The following NUDC variants were observed in gnomAD, a reference collection of about 807,000 sequenced individuals.
NUDC encodes the protein nuclear migration protein nudC.
A neutral mutation model predicts 45.0 loss-of-function variants in NUDC; 14 were observed. That is an observed-to-expected ratio of 0.31 (90% CI 0.21 to 0.49). NUDC has a LOEUF of 0.49. NUDC is among the 20% of genes least tolerant of loss of function. The probability of loss-of-function intolerance (pLI) is 0.99; values close to 1 mark genes in which losing one functional copy is unlikely to be tolerated. For missense variants in NUDC, 323 were observed against 426.2 expected (o/e 0.76, Z 2.13); for synonymous variants, 153 against 156.7 (o/e 0.98, Z 0.17).
At chr1:26,934,358 T>C (rs2082209258) in intron 2 of NUDC, among the ~76,000 whole-genome samples, 1 of 152,138 alleles carries the variant, frequency 6.6e-6, no homozygotes, top group Non-Finnish European at 1.5e-5. Flanking sequence ...GGGGAAACCA[T>C]CCTGGTGATT....
intron 6 of NUDC, among the ~76,000 whole-genome samples, chr1:26,944,055 CTGTTT>C (rs1315069640): frequency 6.7e-6 from 1 of 149,562 alleles, no homozygotes; most frequent in Admixed American, 6.6e-5. Flanking sequence ...TTTTTTTTGT[CTGTTT>C]TGTTTTCTAT....
intron 2 of NUDC, among the ~76,000 whole-genome samples, chr1:26,928,513 T>G (rs1468191797): frequency 6.6e-6 from 1 of 152,188 alleles, no homozygotes; most frequent in Non-Finnish European, 1.5e-5. Context: ...AACATTTAAT[T>G]GTGAATTTCA....
chr1:26,912,155 C>T, intron 3 of NUDC: 7 of 1,593,180 alleles, frequency 4.4e-6, no homozygotes, highest in East Asian at 2.3e-5. Context: ...CAAGACTGGC[C>T]CAAGATCTGG....
chr1:26,945,807 T>C, intron 8 of NUDC, 121 bp downstream of exon 8: 1 of 816,886 alleles, frequency 1.2e-6, no homozygotes, highest in East Asian at 2.4e-5. Flanking sequence ...TCCAGCCATG[T>C]TTATGGCTTT....
chr1:26,916,187 A>T (rs1374841486), intron 3 of NUDC, among the ~76,000 whole-genome samples: 2 of 151,794 alleles, frequency 1.3e-5, no homozygotes, highest in African/African-American at 4.8e-5. Flanking sequence ...TCAGGAGTTC[A>T]AGATCAGCCT....
At chr1:26,913,827 G>A (rs1453637216) in intron 3 of NUDC, 1 of 1,511,370 alleles carries the variant, frequency 6.6e-7, no homozygotes, top group South Asian at 1.4e-5. Flanking sequence ...TACATAGGCA[G>A]CGGCTACGGG....
At chr1:26,915,362 C>T (rs887218798) in intron 3 of NUDC, among the ~76,000 whole-genome samples, 8 of 152,140 alleles carry the variant, frequency 5.3e-5, no homozygotes, top group Non-Finnish European at 7.3e-5. Flanking sequence ...GCTTTGCAGA[C>T]GTTGCCCACT....
upstream of NUDC, chr1:26,921,669 C>A: frequency 1.5e-6 from 1 of 664,410 alleles, no homozygotes; most frequent in South Asian, 1.8e-5. Flanking sequence ...GGCCGCAAAC[C>A]GGGAGGAAGG....
chr1:26,944,096 G>A (rs988477706), intron 6 of NUDC, among the ~76,000 whole-genome samples: 3 of 151,576 alleles, frequency 2.0e-5, no homozygotes, highest in Admixed American at 6.6e-5. Flanking sequence ...GGGTTTCACC[G>A]TGTTAGCCAG....
At chr1:26,918,329 A>G (rs1405862086), upstream of NUDC, among the ~76,000 whole-genome samples, 2 of 130,496 alleles carry the variant, frequency 1.5e-5, no homozygotes, top group Non-Finnish European at 3.2e-5. Flanking sequence ...ACCCAGGCCC[A>G]GAGGCCCAAT....
At chr1:26,924,741 C>T (rs576201183) in intron 2 of NUDC, among the ~76,000 whole-genome samples, 6 of 151,744 alleles carry the variant, frequency 4.0e-5, no homozygotes, top group African/African-American at 7.3e-5. Flanking sequence ...TTGATAGAGA[C>T]GAGGTTTCAT....
chr1:26,942,909 G>T lies in NUDC; in HGVS notation c.585G>T (p.Gly195=). 3 of 1,613,952 alleles carry T rather than the reference G, an allele frequency of 1.9e-6. No individual in the cohort carries two copies. Among genetic ancestry groups the T allele is most frequent in the Non-Finnish European group, 2.5e-6 (3 of 1,180,048 alleles). ...TCTGTGTGAACTTCCGGCTGAAAGG[G>T]AAGGACATGGTGGTGGACATCCAGC... The part of the protein sequence containing the change: ...VPFCVNFRLK[G]KDMVVDIQRR... The change falls in exon 6 of 9, where the codon GGG becomes GGT. Residue 195 remains glycine, a synonymous_variant. Coordinates refer to ENST00000321265, the MANE Select transcript of NUDC (RefSeq NM_006600.4).
chr1:26,946,076 G>A (rs1169940405), intron 8 of NUDC, 54 bp from the exon 9 acceptor site: 1 of 1,551,438 alleles, frequency 6.4e-7, no homozygotes, highest in East Asian at 2.2e-5. Flanking sequence ...CTGGGAGAAG[G>A]GACAGCTTTA....
intron 4 of NUDC, among the ~76,000 whole-genome samples, chr1:26,942,075 C>T (rs532995801): frequency 1.3e-5 from 2 of 152,088 alleles, no homozygotes; most frequent in African/African-American, 2.4e-5. Context: ...GGGTAAATCA[C>T]GAGGTCTGGA....
intron 2 of NUDC, chr1:26,929,737 T>C (rs1557674895): frequency 2.3e-6 from 1 of 443,082 alleles, no homozygotes; most frequent in South Asian, 1.7e-5. Context: ...AAAACATAAC[T>C]GTAGGGCCGG....
chr1:26,920,799 G>A (rs956269932), upstream of NUDC, among the ~76,000 whole-genome samples: 2 of 151,580 alleles, frequency 1.3e-5, no homozygotes. Flanking sequence ...ACAGCAGGGC[G>A]TGGTGATGTG....
At position 26,924,002 on chromosome 1, in the gene NUDC, C is replaced by T. The variant is rs2082111339; in HGVS notation, c.82-87C>T. 2.5e-6 allele frequency: 3 copies of T among 1,202,718 alleles called. No homozygotes were observed. In the Admixed American group the frequency reaches 5.1e-5, roughly 20 times the overall value. The allele number at this position is 1,202,718 out of a possible 1,614,324, so 74.5% of individuals were successfully genotyped here. Reference sequence around the variant, plus strand: ...GGAAAAATAGTCAAGTCCCAAGTTCCCTCCTAGACAAAACAAGTTGACTTG... The same window carrying T: ...GGAAAAATAGTCAAGTCCCAAGTTCTCTCCTAGACAAAACAAGTTGACTTG... On this transcript the variant is annotated intron_variant, in intron 1 of 8. Transcript: ENST00000321265.
chr1:26,927,942 T>C (rs1284604895), intron 2 of NUDC, among the ~76,000 whole-genome samples: 1 of 152,178 alleles, frequency 6.6e-6, no homozygotes, highest in East Asian at 1.9e-4. Context: ...TGCAGAAATA[T>C]ATATATCAAT....
chr1:26,942,715 A>G lies in NUDC; in HGVS notation c.485A>G (p.Asn162Ser), dbSNP rs1329299266. The G allele has an allele frequency of 3.7e-6, 6 of 1,614,224 alleles. No individual in the cohort carries two copies. The highest frequency in any genetic ancestry group is 1.6e-4 in the Middle Eastern group (1 of 6,062). ...DEKDKGKLKP[N>S]LGNGADLPNY... ...AAGGACAAAGGAAAACTGAAGCCCA[A>G]CCTAGGCAACGGGGCAGACCTGCCC... Residue 162 changes from asparagine to serine, a missense_variant, in exon 5 of 9, where the codon AAC (asparagine) becomes AGC (serine). By Grantham distance (46) the Asn-to-Ser change is conservative. This residue lies in a region of NUDC where 245 missense variants were observed against 278.8 expected (regional missense o/e 0.88). Coordinates refer to ENST00000321265, the MANE Select transcript of NUDC (RefSeq NM_006600.4).
Sources: gnomAD v4.1 joint callset for allele counts (sites outside exome capture counted in the v4.1 genomes callset) on GRCh38, gnomAD v4.1.1 for gene constraint, gnomAD v4.1.1 regional missense constraint, MANE v1.5 for transcripts, NCBI Gene and HGNC (gene_info 2026-07-23, HGNC 2026-07-21) for gene names.